The following MAN1A1 variants were observed in gnomAD, a reference collection of about 807,000 sequenced individuals.
The protein encoded by MAN1A1 is mannosidase alpha class 1A member 1, also known as mannosyl-oligosaccharide 1,2-alpha-mannosidase IA.
MAN1A1 carries 29 observed loss-of-function variants against 70.8 expected under a neutral mutation model. That is an observed-to-expected ratio of 0.41 (90% confidence interval 0.31 to 0.56). The LOEUF is 0.56. MAN1A1 is among the 20% of genes least tolerant of loss of function. MAN1A1 has a pLI of 0.29. For missense variants in MAN1A1, 747 were observed against 841.3 expected, an observed-to-expected ratio of 0.89 and a Z score of 1.39; for synonymous variants, 349 against 330.1, an observed-to-expected ratio of 1.06 and a Z score of -0.62.
At chr6:119,189,416 G>A (rs1773378864) in intron 10 of MAN1A1, among the ~76,000 whole-genome samples, 2 of 152,158 alleles carry the variant, frequency 1.3e-5, no homozygotes, top group African/African-American at 4.8e-5. Context: ...AAAAGCAGAA[G>A]TCAGTAAATT....
intron 11 of MAN1A1, among the ~76,000 whole-genome samples, chr6:119,185,844 GTTTTTTT>G (rs63362861): frequency 7.6e-6 from 1 of 132,162 alleles, no homozygotes; most frequent in Admixed American, 7.6e-5. Flanking sequence ...TGGCCTCCCA[GTTTTTTT>G]TTTTTTTTTT....
In MAN1A1 at chr6:119,348,964, G is replaced by T. The variant is rs1478799583; in HGVS notation, c.102C>A (p.Ala34=). 1 of 1,519,716 alleles carries T rather than the reference G, an allele frequency of 6.6e-7. No homozygotes were observed. The highest frequency in any genetic ancestry group is 1.2e-5 in the South Asian group (1 of 80,102). The allele number at this position is 1,519,716 out of a possible 1,614,324, so 94.1% of individuals were successfully genotyped here. Residue 34 remains alanine (A), a synonymous_variant, in exon 2 of 13, where the codon GCC becomes GCA. Coordinates refer to ENST00000368468, the MANE Select transcript of MAN1A1 (RefSeq NM_005907.4). The part of the protein sequence containing the change: ...GGGGRKGSGP[A]ALRLTEKFVL... ...CGAACTTCTCCGTCAGGCGGAGGGC[G>T]GCGGGGCCCGACCCCTTCCTGCCAC...
chr6:119,271,256 A>T (rs772024305), intron 5 of MAN1A1, among the ~76,000 whole-genome samples: 1 of 152,188 alleles, frequency 6.6e-6, no homozygotes, highest in Non-Finnish European at 1.5e-5. Context: ...TTAGTGTATC[A>T]TAGTTCTAGA....
intron 6 of MAN1A1, among the ~76,000 whole-genome samples, chr6:119,221,642 AG>A (rs1370513941): frequency 6.6e-6 from 1 of 151,922 alleles, no homozygotes; most frequent in Non-Finnish European, 1.5e-5. Context: ...TAGTAGAGAC[AG>A]GGTTTCACCA....
At chr6:119,263,102 G>C (rs892594649) in intron 5 of MAN1A1, among the ~76,000 whole-genome samples, 2 of 152,106 alleles carry the variant, frequency 1.3e-5, no homozygotes, top group Non-Finnish European at 2.9e-5. Context: ...CTTCAGTTTG[G>C]GGACTTGGAC....
intron 5 of MAN1A1, among the ~76,000 whole-genome samples, chr6:119,278,937 A>G (rs1266188777): frequency 1.3e-5 from 2 of 151,880 alleles, no homozygotes; most frequent in South Asian, 2.1e-4. Context: ...CCTTGCTTAT[A>G]CAGACTGCAG....
intron 6 of MAN1A1, among the ~76,000 whole-genome samples, chr6:119,217,355 C>T (rs1191115583): frequency 1.3e-5 from 2 of 152,212 alleles, no homozygotes; most frequent in East Asian, 3.9e-4. Context: ...AGTTTCGGCT[C>T]ACTGCAATCT....
intron 6 of MAN1A1, chr6:119,211,060 A>AAAT (rs1774037879): frequency 9.9e-6 from 3 of 302,998 alleles, no homozygotes; most frequent in South Asian, 5.8e-5. Context: ...CCATCTTCGG[A>AAAT]AATAATAATA....
chr6:119,235,578 G>A (rs1304077244), intron 6 of MAN1A1, among the ~76,000 whole-genome samples: 1 of 152,214 alleles, frequency 6.6e-6, no homozygotes, highest in South Asian at 2.1e-4. Context: ...TAACATAGAA[G>A]TGCAAGGTGA....
At chr6:119,203,434 T>C (rs1234016092) in intron 7 of MAN1A1, among the ~76,000 whole-genome samples, 2 of 151,526 alleles carry the variant, frequency 1.3e-5, no homozygotes, top group Non-Finnish European at 1.5e-5. Flanking sequence ...AAGGGGAGAA[T>C]GTCAGCAGGT....
At position 119,248,326 on chromosome 6, in the gene MAN1A1, C is replaced by A; in HGVS notation, c.926G>T (p.Gly309Val). 1 of 1,612,802 alleles carries A rather than the reference C, an allele frequency of 6.2e-7. No homozygotes were observed. The highest frequency in any genetic ancestry group is 2.2e-5 in the East Asian group (1 of 44,848). The stretch of plus-strand genomic sequence containing the variant: ...ATGAAATGCAGGTAGCAATTTTACC[C>A]CAAGTTCCACTGCTTTCTTTCGAAA... The part of the protein sequence containing the change: ...EIFRKKAVEL[G>V]VKLLPAFHTP... The change falls in exon 6 of 13, where the codon GGG becomes GTG. Residue 309 changes from glycine to valine, a missense_variant. This residue lies in a region of MAN1A1 where 419 missense variants were observed against 548.2 expected (regional missense o/e 0.76). Transcript: ENST00000368468.
intron 6 of MAN1A1, among the ~76,000 whole-genome samples, chr6:119,240,479 T>C (rs779416900): frequency 5.9e-5 from 9 of 151,914 alleles, no homozygotes; most frequent in Non-Finnish European, 1.2e-4. Flanking sequence ...GAGGGTGGGG[T>C]GCAGAAGAAA....
intron 6 of MAN1A1, among the ~76,000 whole-genome samples, chr6:119,223,274 T>C (rs1774416432): frequency 1.3e-5 from 2 of 152,138 alleles, no homozygotes; most frequent in Non-Finnish European, 2.9e-5. Flanking sequence ...AAGTGATATT[T>C]TTCTTAATGT....
chr6:119,196,162 C>T (rs3798604), intron 8 of MAN1A1, among the ~76,000 whole-genome samples: 6,666 of 152,124 alleles, frequency 0.044, 200 homozygotes, highest in East Asian at 0.082. Flanking sequence ...TTTTCCTCCC[C>T]TTGGGTTATG....
At chr6:119,188,171 T>C (rs1255097328) in intron 11 of MAN1A1, among the ~76,000 whole-genome samples, 1 of 152,222 alleles carries the variant, frequency 6.6e-6, no homozygotes, top group African/African-American at 2.4e-5. Context: ...TTTCTAGTTA[T>C]CTCCTTCAAT....
chr6:119,213,717 T>TA (rs1164934993), intron 6 of MAN1A1, among the ~76,000 whole-genome samples: 2 of 152,220 alleles, frequency 1.3e-5, no homozygotes, highest in Non-Finnish European at 2.9e-5. Context: ...AAAAGATAGT[T>TA]ACATAATAGA....
chr6:119,193,703 T>C (rs1773497746), intron 9 of MAN1A1, 74 bp downstream of exon 9: 3 of 951,578 alleles, frequency 3.2e-6, no homozygotes, highest in South Asian at 1.6e-5. Flanking sequence ...ATACCACTTA[T>C]TCATTAAAAC....
At chr6:119,279,997 G>A (rs571927453) in intron 5 of MAN1A1, among the ~76,000 whole-genome samples, 1 of 152,308 alleles carries the variant, frequency 6.6e-6, no homozygotes. Flanking sequence ...TTTCAAAATA[G>A]TATTTTCTCT....
In MAN1A1 at chr6:119,293,688, T is replaced by A. The variant is rs1048978179; in HGVS notation, c.817-2925A>T. Among the ~76,000 whole-genome samples, 8 of 152,246 alleles carry A rather than the reference T, an allele frequency of 5.3e-5. No individual in the cohort carries two copies. In the East Asian group the frequency reaches 1.3e-3, roughly 26 times the overall value. Reference sequence around the variant, plus strand: ...TAATTTGAGGTCTCTTTCAGTATTCTAGGTTGTATTATGTTTTTAGGCCAA... The same window carrying A: ...TAATTTGAGGTCTCTTTCAGTATTCAAGGTTGTATTATGTTTTTAGGCCAA... On this transcript the variant is annotated intron_variant, in intron 4 of 12. Transcript: ENST00000368468.
Sources: gnomAD v4.1 joint callset for allele counts (sites outside exome capture counted in the v4.1 genomes callset) on GRCh38, gnomAD v4.1.1 for gene constraint, gnomAD v4.1.1 regional missense constraint, MANE v1.5 for transcripts, NCBI Gene and HGNC (gene_info 2026-07-23, HGNC 2026-07-21) for gene names.